Variants in PPP1R13B observed in about 807,000 individuals in gnomAD.
PPP1R13B encodes apoptosis-stimulating of p53 protein 1.
A neutral mutation model predicts 119.8 loss-of-function variants in PPP1R13B; 44 were observed. The ratio of observed to expected loss-of-function variants is 0.37; its 90% CI spans 0.29 to 0.47. The LOEUF (loss-of-function observed/expected upper bound fraction) is 0.47. PPP1R13B is among the 20% of genes least tolerant of loss of function. The pLI is 0.99. For synonymous variants in PPP1R13B, 542 were observed against 561.5 expected, an observed-to-expected ratio of 0.97 and a Z score of 0.49; for missense variants, 1,227 against 1,413.5, an observed-to-expected ratio of 0.87 and a Z score of 2.12.
chr14:103,838,362 A>C (rs970942062), intron 1 of PPP1R13B, among the ~76,000 whole-genome samples: 1 of 152,208 alleles, frequency 6.6e-6, no homozygotes, highest in Admixed American at 6.5e-5. Context: ...CAGTGGTATA[A>C]TGGGAAACAA....
chr14:103,801,173 A>C (rs940236936), intron 1 of PPP1R13B, among the ~76,000 whole-genome samples: 10 of 152,126 alleles, frequency 6.6e-5, no homozygotes, highest in African/African-American at 2.2e-4. Context: ...TCTAAAAGTC[A>C]AATAAAGTTA....
In PPP1R13B at chr14:103,764,113, T is replaced by C. The variant is rs1011949632; in HGVS notation, c.355-6362A>G. The C allele has an allele frequency of 8.4e-5, 13 of 154,034 alleles. 1 individual carries two copies. The Admixed American group carries it at 8.5e-4, about 10-fold the overall frequency. The allele number at this position is 154,034 out of a possible 1,614,324, so 9.5% of individuals were successfully genotyped here. ...AAGTCTGTGCGAGCAGATATTTCAT[T>C]TCTCTTGAGTAGATACCTAGGAGTG... On this transcript the variant is annotated intron_variant, in intron 4 of 16. Coordinates refer to ENST00000202556, the MANE Select transcript of PPP1R13B (RefSeq NM_015316.3).
At chr14:103,801,623 T>C (rs777018495) in intron 1 of PPP1R13B, among the ~76,000 whole-genome samples, 56 of 152,172 alleles carry the variant, frequency 3.7e-4, no homozygotes, top group Non-Finnish European at 3.4e-4. Flanking sequence ...CACACAGATC[T>C]CTATTGCATC....
rs777898455 is a variant in PPP1R13B, at chr14:103,735,137, G to A, written c.*17C>T. 8.7e-6 allele frequency: 14 copies of A among 1,613,932 alleles called. No individual in the cohort carries two copies. Among genetic ancestry groups the A allele is most frequent in the Non-Finnish European group, 1.2e-5 (14 of 1,179,928 alleles). ...TCCTGGTAGCTGGCAAGACCATGCGGTGCTCCAAAAGGAAGTTCAGGCGAG... is the reference window on the plus strand; with the variant it reads ...TCCTGGTAGCTGGCAAGACCATGCGATGCTCCAAAAGGAAGTTCAGGCGAG... On this transcript the variant is annotated 3_prime_UTR_variant, in exon 17 of 17. Coordinates refer to ENST00000202556, the MANE Select transcript of PPP1R13B (RefSeq NM_015316.3).
chr14:103,843,019 TATCTC>T lies in PPP1R13B; in HGVS notation c.9+4275_9+4279del, dbSNP rs538847649. 9.6e-4 allele frequency among the ~76,000 whole-genome samples: 146 copies of T among 152,084 alleles called. 2 individuals carry two copies. Among genetic ancestry groups the T allele is most frequent in the East Asian group, 8.4e-3 (43 of 5,140 alleles). ...TATCTTAAGCAACATTCCCCACATA[TATCTC>T]ATCTATGCACGAAAAGTTTTACTAG... is the stretch of plus-strand genomic sequence containing the variant. On this transcript the variant is annotated intron_variant, in intron 1 of 16. Transcript: ENST00000202556.
intron 8 of PPP1R13B, among the ~76,000 whole-genome samples, chr14:103,748,671 T>G (rs1423962492): frequency 1.3e-5 from 2 of 152,158 alleles, no homozygotes; most frequent in Non-Finnish European, 2.9e-5. Context: ...AAGTGCCACA[T>G]CCGGCCAAAG....
chr14:103,765,378 C>A (rs1417213744), intron 4 of PPP1R13B, among the ~76,000 whole-genome samples: 2 of 152,124 alleles, frequency 1.3e-5, no homozygotes, highest in African/African-American at 4.8e-5. Flanking sequence ...CCTTTTTGCA[C>A]TTAGTTTATA....
chr14:103,824,886 T>A (rs2086500477), intron 1 of PPP1R13B, among the ~76,000 whole-genome samples: 1 of 152,194 alleles, frequency 6.6e-6, no homozygotes, highest in Non-Finnish European at 1.5e-5. Context: ...ATATATTTGT[T>A]GAAAGTACAG....
At chr14:103,744,275 T>A (rs1021182773) in intron 9 of PPP1R13B, among the ~76,000 whole-genome samples, 3 of 152,238 alleles carry the variant, frequency 2.0e-5, no homozygotes, top group African/African-American at 7.2e-5. Flanking sequence ...GGAACAATTA[T>A]CTTTTAGTAT....
chr14:103,843,822 G>A (rs1420695416), intron 1 of PPP1R13B, among the ~76,000 whole-genome samples: 1 of 151,860 alleles, frequency 6.6e-6, no homozygotes, highest in Non-Finnish European at 1.5e-5. Context: ...GCGTGGCGGC[G>A]CACGCCTGTA....
At chr14:103,835,933 G>T (rs994596047) in intron 1 of PPP1R13B, among the ~76,000 whole-genome samples, 1 of 151,392 alleles carries the variant, frequency 6.6e-6, no homozygotes, top group African/African-American at 2.4e-5. Context: ...TATAGACAGG[G>T]TCTCACTATG....
At chr14:103,846,083 G>C (rs1001567832) in intron 1 of PPP1R13B, among the ~76,000 whole-genome samples, 1 of 152,130 alleles carries the variant, frequency 6.6e-6, no homozygotes, top group African/African-American at 2.4e-5. Flanking sequence ...TTTCACCCCA[G>C]ATCTTCTGAT....
rs2084594652 is a variant in PPP1R13B at position 103,753,279 on chromosome 14, A to G, written c.632-83T>C. ...ATTTCTATACACTGAACTTAATTCT[A>G]GTATCATTTAGTGCCAGACCGTGGA... On this transcript the variant is annotated intron_variant, in intron 6 of 16. Transcript: ENST00000202556. 2.3e-6 allele frequency: 3 copies of G among 1,332,530 alleles called. No homozygotes were observed. In the South Asian group the frequency reaches 4.3e-5, roughly 19 times the overall value. The allele number at this position is 1,332,530 out of a possible 1,614,324, so 82.5% of individuals were successfully genotyped here.
intron 2 of PPP1R13B, among the ~76,000 whole-genome samples, chr14:103,788,107 G>A (rs1385903964): frequency 1.3e-5 from 2 of 151,018 alleles, no homozygotes; most frequent in Non-Finnish European, 2.9e-5. Context: ...GCAAGACCCT[G>A]TCTCAAAAAG....
At chr14:103,784,168 T>G (rs960447086) in intron 3 of PPP1R13B, among the ~76,000 whole-genome samples, 2 of 151,908 alleles carry the variant, frequency 1.3e-5, no homozygotes, top group Non-Finnish European at 2.9e-5. Flanking sequence ...AGAGTGAGAC[T>G]CCATCTCAAA....
At position 103,753,300 on chromosome 14, in the gene PPP1R13B, G is replaced by A. The variant is rs561349041; in HGVS notation, c.632-104C>T. The A allele has an allele frequency of 5.4e-5, 65 of 1,195,426 alleles. No individual in the cohort carries two copies. In the South Asian group the frequency reaches 7.6e-4, roughly 14 times the overall value. 74.1% of individuals were successfully genotyped at this position (1,195,426 alleles called of 1,614,324 possible). ...TTCTAGTATCATTTAGTGCCAGACC[G>A]TGGAGAAAGCTGTGATATGCAGAAT... On this transcript the variant is annotated intron_variant, in intron 6 of 16. Transcript: ENST00000202556.
chr14:103,824,639 G>A (rs2086493890), intron 1 of PPP1R13B, among the ~76,000 whole-genome samples: 1 of 151,074 alleles, frequency 6.6e-6, no homozygotes, highest in Non-Finnish European at 1.5e-5. Context: ...AGGTTGCAGT[G>A]AGCTGAGATC....
chr14:103,782,713 T>G (rs1327439918), intron 3 of PPP1R13B, among the ~76,000 whole-genome samples: 1 of 152,192 alleles, frequency 6.6e-6, no homozygotes, highest in African/African-American at 2.4e-5. Context: ...TGTCTTTTAT[T>G]AGGAATAAGG....
At chr14:103,834,802 A>C (rs2086737602) in intron 1 of PPP1R13B, among the ~76,000 whole-genome samples, 1 of 151,960 alleles carries the variant, frequency 6.6e-6, no homozygotes, top group African/African-American at 2.4e-5. Context: ...CATGTTGGTC[A>C]GGCTGATCTT....
Sources: allele counts gnomAD v4.1 joint callset (sites outside exome capture counted in the v4.1 genomes callset), GRCh38; gene constraint gnomAD v4.1.1; transcripts MANE v1.5; gene names NCBI Gene and HGNC (gene_info 2026-07-23, HGNC 2026-07-21).